Variants in FAM117B observed in about 807,000 individuals in gnomAD.
FAM117B encodes the protein family with sequence similarity 117 member B, also known as protein FAM117B.
FAM117B carries 22 observed loss-of-function variants against 52.8 expected under a neutral mutation model. That is an observed-to-expected ratio of 0.42 (90% confidence interval 0.30 to 0.59). The LOEUF is 0.59. FAM117B is among the 20% of genes least tolerant of loss of function. FAM117B has a pLI of 0.22. For missense variants in FAM117B, 678 were observed against 802.6 expected, an observed-to-expected ratio of 0.84 and a Z score of 1.88; for synonymous variants, 309 against 324.1, an observed-to-expected ratio of 0.95 and a Z score of 0.50.
intron 1 of FAM117B, among the ~76,000 whole-genome samples, chr2:202,693,334 T>TGTG (rs138494664): frequency 0.097 from 14,812 of 152,096 alleles, 2,389 homozygotes; most frequent in African/African-American, 0.34. Context: ...ACTGGCCGGG[T>TGTG]GTGGTGCCTC....
At chr2:202,694,721 C>A (rs189451758) in intron 1 of FAM117B, among the ~76,000 whole-genome samples, 1 of 152,038 alleles carries the variant, frequency 6.6e-6, no homozygotes, top group African/African-American at 2.4e-5. Context: ...TATGCATGCC[C>A]TAGGATACTC....
At chr2:202,677,363 G>T (rs948440392) in intron 1 of FAM117B, among the ~76,000 whole-genome samples, 7 of 152,170 alleles carry the variant, frequency 4.6e-5, no homozygotes, top group Non-Finnish European at 1.0e-4. Context: ...ACCGTGCCCA[G>T]CCCCAAAGAG....
At chr2:202,736,325 A>T (rs1315091338) in intron 4 of FAM117B, among the ~76,000 whole-genome samples, 2 of 152,178 alleles carry the variant, frequency 1.3e-5, no homozygotes, top group Admixed American at 1.3e-4. Flanking sequence ...AGATGAGAGG[A>T]CAGTGATTGC....
chr2:202,697,549 C>CTT (rs555378964), intron 2 of FAM117B, among the ~76,000 whole-genome samples: 1 of 137,518 alleles, frequency 7.3e-6, no homozygotes. Flanking sequence ...TTTTTTCTTT[C>CTT]TTTTTTTTTT....
chr2:202,761,520 G>GT lies in FAM117B; in HGVS notation c.1451+2172dup, dbSNP rs375752826. Reference sequence around the variant, plus strand: ...TTACATGGTTGGGTTTTTTGTTTTTGTTTTTGTTTTTATTTTTTTTCTTGA... The same window carrying GT: ...TTACATGGTTGGGTTTTTTGTTTTTGTTTTTTGTTTTTATTTTTTTTCTTGA... On this transcript the variant is annotated intron_variant, in intron 7 of 7. Coordinates refer to ENST00000392238, the MANE Select transcript of FAM117B (RefSeq NM_173511.4). 3.3e-3 allele frequency among the ~76,000 whole-genome samples: 509 copies of GT among 152,064 alleles called. 5 individuals are homozygous for GT. The highest frequency in any genetic ancestry group is 0.011 in the African/African-American group (475 of 41,504).
chr2:202,693,658 A>C (rs998537149), intron 1 of FAM117B, among the ~76,000 whole-genome samples: 1 of 152,188 alleles, frequency 6.6e-6, no homozygotes, highest in African/African-American at 2.4e-5. Flanking sequence ...AAAATATGAG[A>C]TCATGCCTTT....
chr2:202,665,202 GAC>G (rs1690184630), intron 1 of FAM117B, among the ~76,000 whole-genome samples: 1 of 148,116 alleles, frequency 6.8e-6, no homozygotes, highest in South Asian at 2.1e-4. Context: ...TTTTTTTTGA[GAC>G]AGAGTTTCGT....
In FAM117B at chr2:202,732,202, A is replaced by G. The variant is rs1305020907; in HGVS notation, c.960+5839A>G. 3.9e-5 allele frequency among the ~76,000 whole-genome samples: 6 copies of G among 152,166 alleles called. No individual in the cohort carries two copies. The East Asian group carries it at 1.2e-3, about 29-fold the overall frequency. The stretch of plus-strand genomic sequence containing the variant: ...CACCGCGCCTGGCTGGAACTTTGAT[A>G]TATTAATGGTAGGAATGTAAACAGT... On this transcript the variant is annotated intron_variant, in intron 4 of 7. Coordinates refer to ENST00000392238, the MANE Select transcript of FAM117B (RefSeq NM_173511.4).
chr2:202,671,701 A>G (rs1298611946), intron 1 of FAM117B, among the ~76,000 whole-genome samples: 1 of 152,232 alleles, frequency 6.6e-6, no homozygotes, highest in Non-Finnish European at 1.5e-5. Context: ...GATTTTGATT[A>G]AAATTCCCAT....
At chr2:202,648,523 C>CT (rs919097208) in intron 1 of FAM117B, among the ~76,000 whole-genome samples, 4 of 128,260 alleles carry the variant, frequency 3.1e-5, no homozygotes, top group East Asian at 2.8e-4. Context: ...TCCCCACCCC[C>CT]CCCCCAAAAC....
chr2:202,741,077 A>G (rs1486567973), intron 4 of FAM117B, among the ~76,000 whole-genome samples: 2 of 152,190 alleles, frequency 1.3e-5, no homozygotes, highest in South Asian at 2.1e-4. Flanking sequence ...ACATTGTACT[A>G]GTGGTATTAA....
chr2:202,646,462 CCAGGGAAGAGACCT>C (rs1435667714), intron 1 of FAM117B, among the ~76,000 whole-genome samples: 1 of 152,096 alleles, frequency 6.6e-6, no homozygotes, highest in African/African-American at 2.4e-5. Context: ...GCCAGTTTCC[CCAGGGAAGAGACCT>C]CAGTATCATG....
At chr2:202,722,268 C>T (rs929891933) in intron 2 of FAM117B, among the ~76,000 whole-genome samples, 1 of 152,016 alleles carries the variant, frequency 6.6e-6, no homozygotes, top group Non-Finnish European at 1.5e-5. Flanking sequence ...CCTCGGCCTC[C>T]TGGGATTACA....
intron 2 of FAM117B, among the ~76,000 whole-genome samples, chr2:202,702,926 A>G (rs192321566): frequency 5.3e-5 from 8 of 152,350 alleles, no homozygotes; most frequent in African/African-American, 1.9e-4. Flanking sequence ...CACACTTAAT[A>G]CACTATAGTA....
At chr2:202,714,531 T>TCC (rs1294959808) in intron 2 of FAM117B, among the ~76,000 whole-genome samples, 4 of 139,642 alleles carry the variant, frequency 2.9e-5, no homozygotes, top group Non-Finnish European at 4.7e-5. Flanking sequence ...TCTTTTTTTT[T>TCC]TCTTTTTTTT....
At chr2:202,723,338 G>T (rs1025282542) in intron 2 of FAM117B, among the ~76,000 whole-genome samples, 1 of 151,964 alleles carries the variant, frequency 6.6e-6, no homozygotes, top group African/African-American at 2.4e-5. Context: ...GTATTTTTTG[G>T]TATTTTTTAT....
chr2:202,680,204 C>G (rs1020419555), intron 1 of FAM117B, among the ~76,000 whole-genome samples: 1 of 151,968 alleles, frequency 6.6e-6, no homozygotes, highest in Admixed American at 6.6e-5. Context: ...CCTTTGTGAT[C>G]TGTGTGATAA....
intron 1 of FAM117B, among the ~76,000 whole-genome samples, chr2:202,687,281 G>A (rs1397861037): frequency 6.6e-6 from 1 of 152,190 alleles, no homozygotes; most frequent in African/African-American, 2.4e-5. Context: ...GAGTTTACCT[G>A]GGTTCAAGAG....
chr2:202,694,404 T>C (rs1690678511), intron 1 of FAM117B, among the ~76,000 whole-genome samples: 1 of 151,770 alleles, frequency 6.6e-6, no homozygotes, highest in African/African-American at 2.4e-5. Context: ...TTGGCCAGGG[T>C]GGTCTCGAAC....
Sources: allele counts gnomAD v4.1 joint callset (sites outside exome capture counted in the v4.1 genomes callset), GRCh38; gene constraint gnomAD v4.1.1; transcripts MANE v1.5; gene names NCBI Gene and HGNC (gene_info 2026-07-23, HGNC 2026-07-21).